The following GAP43 variants were observed in gnomAD, a reference collection of about 807,000 sequenced individuals.
The protein encoded by GAP43 is neuromodulin.
Under a neutral mutation model 18.6 loss-of-function variants are expected in GAP43, and 6 were observed. The ratio of observed to expected loss-of-function variants is 0.32; its 90% confidence interval spans 0.18 to 0.64. The LOEUF (loss-of-function observed/expected upper bound fraction) is 0.64. Ranked by LOEUF, GAP43 falls within the 30% of genes least tolerant of loss-of-function variation. GAP43 has a pLI of 0.78. For synonymous variants in GAP43, 115 were observed against 111.4 expected, an observed-to-expected ratio of 1.03 and a Z score of -0.20; for missense variants, 292 against 295.5, an observed-to-expected ratio of 0.99 and a Z score of 0.09.
At chr3:115,705,684 A>G (rs554365077) in intron 2 of GAP43, among the ~76,000 whole-genome samples, 66 of 152,314 alleles carry the variant, frequency 4.3e-4, no homozygotes, top group Non-Finnish European at 7.8e-4. Context: ...GCAATCATTC[A>G]ATGAATATGA....
At chr3:115,630,572 T>C (rs935710936) in intron 1 of GAP43, among the ~76,000 whole-genome samples, 6 of 152,206 alleles carry the variant, frequency 3.9e-5, no homozygotes, top group Non-Finnish European at 8.8e-5. Flanking sequence ...TCTGACTGAA[T>C]TGGCATGTCC....
At chr3:115,688,058 C>T (rs1709057496) in intron 2 of GAP43, among the ~76,000 whole-genome samples, 1 of 151,740 alleles carries the variant, frequency 6.6e-6, no homozygotes, top group Admixed American at 6.6e-5. Context: ...ACTCTATCAC[C>T]CAGACTGGAG....
intron 2 of GAP43, among the ~76,000 whole-genome samples, chr3:115,694,317 C>T (rs1395724837): frequency 6.6e-6 from 1 of 152,192 alleles, no homozygotes; most frequent in Non-Finnish European, 1.5e-5. Context: ...TCGGGCTTTC[C>T]TCACAAAGAC....
chr3:115,697,437 CAT>C (rs1709209315), intron 2 of GAP43, among the ~76,000 whole-genome samples: 2 of 152,238 alleles, frequency 1.3e-5, no homozygotes, highest in East Asian at 1.9e-4. Flanking sequence ...TTTGGTGACT[CAT>C]AGAGTTCTCA....
intron 2 of GAP43, among the ~76,000 whole-genome samples, chr3:115,693,352 A>T (rs999720373): frequency 6.6e-6 from 1 of 152,142 alleles, no homozygotes; most frequent in African/African-American, 2.4e-5. Flanking sequence ...CTTTCCTCTG[A>T]CAATTTGAGA....
chr3:115,683,122 TGTGCGCGCGCGTGC>T (rs372628952), intron 2 of GAP43, among the ~76,000 whole-genome samples: 171 of 45,266 alleles, frequency 3.8e-3, no homozygotes, highest in African/African-American at 7.4e-3. Flanking sequence ...TCTACATACA[TGTGCGCGCGCGTGC>T]GCGCGCGCGC....
intron 1 of GAP43, among the ~76,000 whole-genome samples, chr3:115,645,268 G>A (rs551146130): frequency 6.6e-6 from 1 of 152,124 alleles, no homozygotes; most frequent in South Asian, 2.1e-4. Flanking sequence ...CTAGGTTGGA[G>A]TTCAGGCTTT....
intron 2 of GAP43, among the ~76,000 whole-genome samples, chr3:115,709,844 C>CATATATATATATATATAT (rs149885836): frequency 4.1e-5 from 6 of 147,958 alleles, no homozygotes; most frequent in African/African-American, 1.5e-4. Flanking sequence ...CATGAACATA[C>CATATATATATATATATAT]ATATATATAT....
intron 1 of GAP43, among the ~76,000 whole-genome samples, chr3:115,624,218 G>T (rs1036938815): frequency 1.3e-5 from 2 of 152,126 alleles, no homozygotes; most frequent in South Asian, 4.2e-4. Context: ...TCGAAGGGGC[G>T]CAGGTATTTA....
intron 2 of GAP43, among the ~76,000 whole-genome samples, chr3:115,713,482 A>G (rs1047788358): frequency 2.0e-5 from 3 of 152,234 alleles, no homozygotes; most frequent in Admixed American, 6.5e-5. Flanking sequence ...AGTGTAGGCA[A>G]TGGCAGCTGG....
At position 115,703,037 on chromosome 3, in the gene GAP43, G is replaced by T. The variant is rs191352264; in HGVS notation, c.629-17757G>T. 4.6e-5 allele frequency among the ~76,000 whole-genome samples: 7 copies of T among 152,192 alleles called. No homozygotes were observed. In the East Asian group the frequency reaches 1.4e-3, roughly 29 times the overall value. On this transcript the variant is annotated intron_variant, in intron 2 of 2. Transcript: ENST00000305124. ...CTAAGGAACTTTCCTAATTGTTGAT[G>T]TTTTCTGGAGTACAGTGCTCAGGTA...
At chr3:115,698,241 A>ATATATAT (rs1402007911) in intron 2 of GAP43, among the ~76,000 whole-genome samples, 12 of 20,384 alleles carry the variant, frequency 5.9e-4, no homozygotes, top group African/African-American at 1.3e-3. Context: ...TATATAAAAT[A>ATATATAT]TATATAATAT....
chr3:115,716,769 C>G (rs2023166), intron 2 of GAP43, among the ~76,000 whole-genome samples: 3,058 of 54,016 alleles, frequency 0.057, 190 homozygotes, highest in African/African-American at 0.17. Context: ...TATATATATA[C>G]AGAGAGAGAG....
intron 1 of GAP43, among the ~76,000 whole-genome samples, chr3:115,658,193 T>G (rs1015334380): frequency 1.2e-4 from 18 of 152,114 alleles, no homozygotes; most frequent in Admixed American, 1.2e-3. Context: ...CATCAGAGTT[T>G]AGAGAACAAC....
At chr3:115,683,147 G>GCGCGCACACACACA (rs1252333447) in intron 2 of GAP43, among the ~76,000 whole-genome samples, 7 of 127,446 alleles carry the variant, frequency 5.5e-5, no homozygotes, top group South Asian at 3.0e-4. Context: ...GCGCGCGCGC[G>GCGCGCACACACACA]CACACACACA....
chr3:115,691,300 C>T (rs1709107623), intron 2 of GAP43, among the ~76,000 whole-genome samples: 1 of 152,166 alleles, frequency 6.6e-6, no homozygotes, highest in South Asian at 2.1e-4. Flanking sequence ...TTAGCCAAAT[C>T]TCTTGCTTGG....
At chr3:115,708,486 A>T (rs567631389) in intron 2 of GAP43, among the ~76,000 whole-genome samples, 4 of 152,222 alleles carry the variant, frequency 2.6e-5, no homozygotes, top group Non-Finnish European at 5.9e-5. Flanking sequence ...ATTCTTGTGC[A>T]TATAATTTAT....
chr3:115,676,420 T>G lies in GAP43; in HGVS notation c.438T>G (p.Ala146=). The change falls in exon 2 of 3, where the codon GCT becomes GCG. Residue 146 remains alanine, a synonymous_variant. Coordinates refer to ENST00000305124, the MANE Select transcript of GAP43 (RefSeq NM_002045.4). ...GSAETESATK[A]STDNSPSSKA... ...CTGAGACAGAAAGTGCCACTAAAGC[T>G]TCCACTGATAACTCGCCGTCCTCCA... is the stretch of plus-strand genomic sequence containing the variant. 1 of 1,613,930 alleles carries G rather than the reference T, an allele frequency of 6.2e-7. No individual in the cohort carries two copies. Among genetic ancestry groups the G allele is most frequent in the Non-Finnish European group, 8.5e-7 (1 of 1,179,900 alleles).
At chr3:115,640,398 A>G (rs1224751303) in intron 1 of GAP43, among the ~76,000 whole-genome samples, 1 of 152,094 alleles carries the variant, frequency 6.6e-6, no homozygotes, top group Non-Finnish European at 1.5e-5. Context: ...CCCGCCAGTC[A>G]TGGGTAAAAC....
Sources: allele counts gnomAD v4.1 joint callset (sites outside exome capture counted in the v4.1 genomes callset), GRCh38; gene constraint gnomAD v4.1.1; transcripts MANE v1.5; gene names NCBI Gene and HGNC (gene_info 2026-07-23, HGNC 2026-07-21).